PHACTR1: variants seen among roughly 807,000 people sequenced by gnomAD.
PHACTR1 encodes RPEL repeat containing 1.
Under a neutral mutation model 69.2 loss-of-function variants are expected in PHACTR1, and 16 were observed. That is an observed-to-expected ratio of 0.23 (90% CI 0.16 to 0.35). The LOEUF (loss-of-function observed/expected upper bound fraction) is 0.35. PHACTR1 is among the 10% of genes least tolerant of loss of function. The pLI is 1.00. For missense variants in PHACTR1, 510 were observed against 734.7 expected (o/e 0.69, Z 3.54); for synonymous variants, 312 against 284.5 (o/e 1.10, Z -0.97).
In PHACTR1 at chr6:12,903,742, G is replaced by A. The variant is rs145275441; in HGVS notation, c.251-149623G>A. Among the ~76,000 whole-genome samples, 379 of 152,248 alleles carry A rather than the reference G, an allele frequency of 2.5e-3. 2 individuals are homozygous for A. The highest frequency in any genetic ancestry group is 4.5e-3 in the Non-Finnish European group (306 of 68,028). ...ATATAAAAATAGCTTAAAATCATTG[G>A]CCATAGTTATATTTTCCACGAGCTG... On this transcript the variant is annotated intron_variant, in intron 4 of 14. Transcript: ENST00000332995.
chr6:13,237,867 A>G (rs1229894220), intron 10 of PHACTR1, among the ~76,000 whole-genome samples: 1 of 152,260 alleles, frequency 6.6e-6, no homozygotes, highest in African/African-American at 2.4e-5. Flanking sequence ...TTGTAACACA[A>G]TGGTATTTGT....
At chr6:12,970,692 G>T (rs578243897) in intron 4 of PHACTR1, among the ~76,000 whole-genome samples, 1 of 152,336 alleles carries the variant, frequency 6.6e-6, no homozygotes, top group Admixed American at 6.5e-5. Context: ...GGCAGCAGAG[G>T]TGGCAGTGAG....
intron 4 of PHACTR1, among the ~76,000 whole-genome samples, chr6:12,975,931 C>T (rs907710513): frequency 3.9e-5 from 6 of 152,122 alleles, no homozygotes; most frequent in African/African-American, 1.4e-4. Context: ...TAAAATGGGC[C>T]GATTGGTCTT....
At chr6:12,929,820 G>A (rs1184767642) in intron 4 of PHACTR1, among the ~76,000 whole-genome samples, 3 of 152,152 alleles carry the variant, frequency 2.0e-5, no homozygotes, top group Admixed American at 6.5e-5. Context: ...ATTCAAGCGT[G>A]TCAGAAATAA....
chr6:13,251,018 C>CAA (rs1774316446), intron 10 of PHACTR1, among the ~76,000 whole-genome samples: 1 of 151,998 alleles, frequency 6.6e-6, no homozygotes, highest in African/African-American at 2.4e-5. Context: ...CACACACACA[C>CAA]AATCAATCTT....
intron 10 of PHACTR1, among the ~76,000 whole-genome samples, chr6:13,265,240 T>G (rs1275191234): frequency 1.3e-5 from 2 of 152,102 alleles, no homozygotes; most frequent in Non-Finnish European, 2.9e-5. Flanking sequence ...AGTAACAGCC[T>G]CCATGGTGCT....
At chr6:13,093,049 C>T (rs1239156791) in intron 5 of PHACTR1, among the ~76,000 whole-genome samples, 3 of 152,154 alleles carry the variant, frequency 2.0e-5, no homozygotes, top group Non-Finnish European at 4.4e-5. Flanking sequence ...CTGTCAGTGA[C>T]AAATTGGGGA....
intron 5 of PHACTR1, among the ~76,000 whole-genome samples, chr6:13,080,916 G>A (rs1477796841): frequency 6.6e-6 from 1 of 152,098 alleles, no homozygotes; most frequent in South Asian, 2.1e-4. Flanking sequence ...TAGAAAACCA[G>A]AGGAATTTTC....
chr6:12,869,766 T>C (rs916673238), intron 4 of PHACTR1, among the ~76,000 whole-genome samples: 3 of 152,244 alleles, frequency 2.0e-5, no homozygotes, highest in African/African-American at 7.2e-5. Context: ...TGTGGCTCTT[T>C]TTAGCCACCT....
At chr6:12,771,455 A>C (rs960057510) in intron 4 of PHACTR1, among the ~76,000 whole-genome samples, 2 of 152,166 alleles carry the variant, frequency 1.3e-5, no homozygotes, top group African/African-American at 4.8e-5. Context: ...TCAAGCAGGC[A>C]GTGAATACAT....
At chr6:13,015,972 C>T (rs1800121370) in intron 4 of PHACTR1, among the ~76,000 whole-genome samples, 2 of 152,218 alleles carry the variant, frequency 1.3e-5, no homozygotes, top group Non-Finnish European at 2.9e-5. Flanking sequence ...GTGTGGTGCA[C>T]TCATTTAATC....
chr6:13,015,493 T>A (rs1201360648), intron 4 of PHACTR1, among the ~76,000 whole-genome samples: 2 of 152,218 alleles, frequency 1.3e-5, no homozygotes, highest in East Asian at 3.8e-4. Context: ...ATTAATCAGA[T>A]GACCCAAAGC....
intron 4 of PHACTR1, among the ~76,000 whole-genome samples, chr6:12,755,242 G>A (rs7771983): frequency 0.023 from 3,475 of 152,166 alleles, 136 homozygotes; most frequent in African/African-American, 0.079. Flanking sequence ...CCACAGAGGC[G>A]TGTTTTATAG....
chr6:12,997,617 G>A (rs971611618), intron 4 of PHACTR1, among the ~76,000 whole-genome samples: 4 of 151,994 alleles, frequency 2.6e-5, no homozygotes, highest in Non-Finnish European at 5.9e-5. Context: ...ATCATTTTTT[G>A]TGGCGAGAAT....
At chr6:12,953,096 G>T (rs1186935421) in intron 4 of PHACTR1, among the ~76,000 whole-genome samples, 1 of 152,230 alleles carries the variant, frequency 6.6e-6, no homozygotes, top group Non-Finnish European at 1.5e-5. Flanking sequence ...GCTGAGGCAT[G>T]TGGATCACCT....
intron 4 of PHACTR1, among the ~76,000 whole-genome samples, chr6:13,003,434 T>TTAAAAA (rs1321899020): frequency 6.6e-6 from 1 of 152,128 alleles, no homozygotes; most frequent in African/African-American, 2.4e-5. Context: ...TTTCAGTACT[T>TTAAAAA]TAAAAATAAT....
intron 12 of PHACTR1, among the ~76,000 whole-genome samples, chr6:13,282,416 C>T (rs1411956959): frequency 6.6e-6 from 1 of 152,152 alleles, no homozygotes; most frequent in Non-Finnish European, 1.5e-5. Context: ...AAAATACATA[C>T]GAATCTTCCT....
At chr6:13,021,792 T>G (rs1801012610) in intron 4 of PHACTR1, among the ~76,000 whole-genome samples, 1 of 152,258 alleles carries the variant, frequency 6.6e-6, no homozygotes, top group African/African-American at 2.4e-5. Flanking sequence ...AAGAGTTAAC[T>G]CAGTCCACTT....
At chr6:13,019,066 A>AT (rs369553785) in intron 4 of PHACTR1, among the ~76,000 whole-genome samples, 9,183 of 134,536 alleles carry the variant, frequency 0.068, 416 homozygotes, top group Admixed American at 0.12. Flanking sequence ...ATATATATAT[A>AT]TATATATATT....
Sources: allele counts gnomAD v4.1 joint callset (sites outside exome capture counted in the v4.1 genomes callset), GRCh38; gene constraint gnomAD v4.1.1; transcripts MANE v1.5; gene names NCBI Gene and HGNC (gene_info 2026-07-23, HGNC 2026-07-21).